The following CHD1L variants were observed in gnomAD, a reference collection of about 807,000 sequenced individuals.
CHD1L encodes the protein ATP-dependent chromatin remodeler CHD1L.
In CHD1L, 118 loss-of-function variants were observed where a neutral mutation model predicts 115.9. The ratio of observed to expected loss-of-function variants is 1.02; its 90% CI spans 0.88 to 1.19. CHD1L has a LOEUF of 1.19. Among genes scored for constraint, CHD1L ranks in the 50% most tolerant of loss-of-function variants. The pLI, the probability that CHD1L is intolerant of heterozygous loss-of-function variation, is 0.00. For synonymous variants in CHD1L, 411 were observed against 387.1 expected (o/e 1.06, Z -0.72); for missense variants, 1,179 against 1,065.3 (o/e 1.11, Z -1.49).
At chr1:147,263,984 G>T (rs2102537292) in intron 6 of CHD1L, among the ~76,000 whole-genome samples, 1 of 152,218 alleles carries the variant, frequency 6.6e-6, no homozygotes, top group Admixed American at 6.5e-5. Flanking sequence ...CTTACTTATT[G>T]CTTGCAGTGG....
intron 14 of CHD1L, among the ~76,000 whole-genome samples, chr1:147,278,028 G>A (rs1304504938): frequency 6.6e-6 from 1 of 152,018 alleles, no homozygotes; most frequent in Non-Finnish European, 1.5e-5. Flanking sequence ...TGGACTGCTG[G>A]CTGAGAGCGA....
rs587756729 is a variant in CHD1L, at chr1:147,293,241, C to G, written c.2392-367C>G. Among the ~76,000 whole-genome samples the G allele has an allele frequency of 9.2e-5, 14 of 152,108 alleles. No individual in the cohort carries two copies. In the East Asian group the frequency reaches 2.5e-3, roughly 27 times the overall value. On this transcript the variant is annotated intron_variant, in intron 20 of 22. Transcript: ENST00000369258. ...TGTCCTGGGGGTTGTGGAGCTGACT[C>G]AGGCATCAAAGGGCTGGGATACAGG...
At chr1:147,218,804 A>G in the CHD1L span, among the ~76,000 whole-genome samples, 2 of 152,178 alleles carry the variant, frequency 1.3e-5, no homozygotes, top group Non-Finnish European at 2.9e-5. Context: ...CTTCGTAAAT[A>G]TTACTATTTC....
intron 15 of CHD1L, 56 bp downstream of exon 15, chr1:147,280,247 C>T (rs587703861): frequency 6.0e-5 from 89 of 1,492,252 alleles, no homozygotes; most frequent in Non-Finnish European, 7.5e-5. Context: ...CTAGAGCTCA[C>T]GTCCCCATGG....
In CHD1L at chr1:147,273,026, C is replaced by T. The variant is rs138471711; in HGVS notation, c.1270+745C>T. 3.3e-5 allele frequency among the ~76,000 whole-genome samples: 5 copies of T among 152,092 alleles called. No individual in the cohort carries two copies. The East Asian group carries it at 9.7e-4, about 29-fold the overall frequency. On this transcript the variant is annotated intron_variant, in intron 12 of 22. Transcript: ENST00000369258. Reference sequence around the variant, plus strand: ...ACCAGCCTGGCCAACATGGTGAAACCCCGTCTCTACTTAAAAAAATACAAA... The same window carrying T: ...ACCAGCCTGGCCAACATGGTGAAACTCCGTCTCTACTTAAAAAAATACAAA...
the CHD1L span, among the ~76,000 whole-genome samples, chr1:147,205,747 C>A: frequency 2.0e-5 from 3 of 152,250 alleles, no homozygotes; most frequent in South Asian, 2.1e-4. Flanking sequence ...CTTCCTTACA[C>A]CTTATACAAA....
chr1:147,266,171 G>T, intron 8 of CHD1L, 84 bp downstream of exon 8: 1 of 1,290,348 alleles, frequency 7.7e-7, no homozygotes, highest in South Asian at 1.5e-5. Context: ...ACACTCATTT[G>T]TATGATCCCA....
At position 147,277,018 on chromosome 1, in the gene CHD1L, G is replaced by A. The variant is rs12024700; in HGVS notation, c.1539+761G>A. Among the ~76,000 whole-genome samples, 14 of 152,176 alleles carry A rather than the reference G, an allele frequency of 9.2e-5. No homozygotes were observed. In the East Asian group the frequency reaches 2.7e-3, roughly 29 times the overall value. On this transcript the variant is annotated intron_variant, in intron 14 of 22. Coordinates refer to ENST00000369258, the MANE Select transcript of CHD1L (RefSeq NM_004284.6). ...CATTGCAAAAGAAGGAAGGACAGGA[G>A]TTGGCTACTGTTTAGAGTTGGGTCT...
the CHD1L span, among the ~76,000 whole-genome samples, chr1:147,200,429 C>T: frequency 6.0e-3 from 912 of 152,244 alleles, 4 homozygotes; most frequent in Middle Eastern, 0.01. Context: ...CCTTATTAAA[C>T]GCACTCCAGC....
chr1:147,176,258 T>TG, the CHD1L span: 1 of 152,170 alleles, frequency 6.6e-6, no homozygotes, highest in African/African-American at 2.4e-5. Context: ...GAAATAATAG[T>TG]GATTCTGCTC....
At chr1:147,262,322 A>C (rs1553944718) in intron 6 of CHD1L, among the ~76,000 whole-genome samples, 1 of 152,186 alleles carries the variant, frequency 6.6e-6, no homozygotes, top group African/African-American at 2.4e-5. Context: ...ATTATGTAGA[A>C]GAATATTTAA....
Position 147,242,806 on chromosome 1 carries a change from G to T in CHD1L, c.103G>T (p.Asp35Tyr). ...CGAGGCGGCGCGGGTGCAGGAGCAG[G>T]ACTTACGGCAGTGGGGGCTGACAGG... is the stretch of plus-strand genomic sequence containing the variant. ...RAEAARVQEQ[D>Y]LRQWGLTGIH... is the part of the protein sequence containing the mutation. The change falls in exon 1 of 23, where the codon GAC becomes TAC. Residue 35 changes from aspartate to tyrosine, a missense_variant. By Grantham distance (160) the Asp-to-Tyr change is radical (BLOSUM62 -3). Coordinates refer to ENST00000369258, the MANE Select transcript of CHD1L (RefSeq NM_004284.6). 7.8e-7 allele frequency: 1 copy of T among 1,277,522 alleles called. No homozygotes were observed. Among genetic ancestry groups the T allele is most frequent in the Non-Finnish European group, 1.0e-6 (1 of 1,004,950 alleles). The allele number at this position is 1,277,522 out of a possible 1,614,324, so 79.1% of individuals were successfully genotyped here.
At chr1:147,275,261 A>T (rs933575145) in intron 12 of CHD1L, 93 bp from the exon 13 acceptor site, 5 of 862,130 alleles carry the variant, frequency 5.8e-6, no homozygotes, top group Non-Finnish European at 9.8e-6. Context: ...GACTGATTTC[A>T]GTTTATCAGT....
the CHD1L span, among the ~76,000 whole-genome samples, chr1:147,176,936 A>G: frequency 6.6e-6 from 1 of 152,054 alleles, no homozygotes. Context: ...ACAGATGGGT[A>G]AATATAGAAA....
At position 147,286,376 on chromosome 1, in the gene CHD1L, T is replaced by C; in HGVS notation, c.2097T>C (p.Asn699=). 1 of 1,614,150 alleles carries C rather than the reference T, an allele frequency of 6.2e-7. No homozygotes were observed. The highest frequency in any genetic ancestry group is 8.5e-7 in the Non-Finnish European group (1 of 1,180,018). The stretch of plus-strand genomic sequence containing the variant: ...AGAGCGAGCCAGAGGACCTTGAGAA[T>C]GGGGAAGAGAGCTCTGCTGAGCTGG... ...SEESEPEDLE[N]GEESSAELDY... Residue 699 remains asparagine (N), a synonymous_variant, in exon 18 of 23, where the codon AAT becomes AAC. Coordinates refer to ENST00000369258, the MANE Select transcript of CHD1L (RefSeq NM_004284.6).
At position 147,280,042 on chromosome 1, in the gene CHD1L, A is replaced by C. The variant is rs781952807; in HGVS notation, c.1556A>C (p.Lys519Thr). The C allele has an allele frequency of 1.4e-5, 22 of 1,613,828 alleles. No homozygotes were observed. In the African/African-American group the frequency reaches 2.1e-4, roughly 16 times the overall value. The change falls in exon 15 of 23, where the codon AAA becomes ACA. Residue 519 changes from lysine (K) to threonine (T), a missense_variant. Lys to Thr is a moderately conservative substitution (Grantham distance 78). Coordinates refer to ENST00000369258, the MANE Select transcript of CHD1L (RefSeq NM_004284.6). Reference sequence around the variant, plus strand: ...CTATTCAAGTTGAGTGAGATACTCAAATTTGGTTTGGATAAACTGCTGGCC... The same window carrying C: ...CTATTCAAGTTGAGTGAGATACTCACATTTGGTTTGGATAAACTGCTGGCC... ...DADLQLSEIL[K>T]FGLDKLLASE... is the part of the protein sequence containing the mutation.
chr1:147,239,003 T>C (rs968861283), upstream of CHD1L, among the ~76,000 whole-genome samples: 1 of 152,128 alleles, frequency 6.6e-6, no homozygotes, highest in Non-Finnish European at 1.5e-5. Context: ...AATTAACTGA[T>C]AAAATACTGT....
intron 17 of CHD1L, 76 bp downstream of exon 17, chr1:147,285,563 C>A (rs1682771648): frequency 1.4e-6 from 2 of 1,411,626 alleles, no homozygotes; most frequent in South Asian, 1.6e-5. Context: ...AGTTGAATAT[C>A]ACTTTAAAAA....
the CHD1L span, chr1:147,178,205 G>A: frequency 3.7e-6 from 6 of 1,613,114 alleles, no homozygotes; most frequent in South Asian, 6.6e-5. Context: ...CTAGGACTCA[G>A]GGACGACAAC....
Sources: allele counts gnomAD v4.1 joint callset (sites outside exome capture counted in the v4.1 genomes callset), GRCh38; gene constraint gnomAD v4.1.1; transcripts MANE v1.5; gene names NCBI Gene and HGNC (gene_info 2026-07-23, HGNC 2026-07-21).